Variants in RIMS3 observed in about 807,000 individuals in gnomAD.
The protein encoded by RIMS3 is regulating synaptic membrane exocytosis 3, also known as regulating synaptic membrane exocytosis protein 3.
RIMS3 carries 15 observed loss-of-function variants against 29.2 expected under a neutral mutation model. That is an observed-to-expected ratio of 0.51 (90% CI 0.34 to 0.79). The LOEUF (loss-of-function observed/expected upper bound fraction) is 0.79. Ranked by LOEUF, RIMS3 falls within the 30% of genes least tolerant of loss-of-function variation. RIMS3 has a pLI of 0.01. For synonymous variants in RIMS3, 161 were observed against 170.1 expected (o/e 0.95, Z 0.41); for missense variants, 342 against 421.4 (o/e 0.81, Z 1.65).
chr1:40,673,303 C>G, the RIMS3 span: 2 of 152,164 alleles, frequency 1.3e-5, no homozygotes. Context: ...GAATTTTTCA[C>G]TTTAGACTTT....
chr1:40,674,516 C>T, the RIMS3 span, among the ~76,000 whole-genome samples: 1 of 152,134 alleles, frequency 6.6e-6, no homozygotes, highest in Non-Finnish European at 1.5e-5. Context: ...TGAATGTGTT[C>T]CCCAAGGTTC....
At position 40,620,903 on chromosome 1, in the gene RIMS3, A is replaced by C. The variant is rs1646416953; in HGVS notation, c.*5614T>G. On this transcript the variant is annotated 3_prime_UTR_variant, in exon 8 of 8. Transcript: ENST00000372684. ...AGATATAAAAGGCTAATTGCTTCTTATCTAAACAGTGTGCTTGTCAGTCCC... is the reference window on the plus strand; with the variant it reads ...AGATATAAAAGGCTAATTGCTTCTTCTCTAAACAGTGTGCTTGTCAGTCCC... 6.5e-6 allele frequency: 1 copy of C among 152,678 alleles called. No homozygotes were observed. The allele number at this position is 152,678 out of a possible 1,614,324, so 9.5% of individuals were successfully genotyped here. A position where few individuals can be genotyped will look rare whatever the true frequency, so the allele number is the denominator to read the frequency against.
In RIMS3 at chr1:40,636,427, C is replaced by A. The variant is rs1251541148; in HGVS notation, c.218-370G>T. On this transcript the variant is annotated intron_variant, in intron 3 of 7. Transcript: ENST00000372684. This position sits in a 1 kb window ranked among gnomAD's most constrained non-coding sequence, Gnocchi z 4.2. Reference sequence around the variant, plus strand: ...CCCTTGCCCCAAAGGTTAAGTGTGCCTCTTCCCACTCTCTTCTGGAAAGTT... The same window carrying A: ...CCCTTGCCCCAAAGGTTAAGTGTGCATCTTCCCACTCTCTTCTGGAAAGTT... Among the ~76,000 whole-genome samples the A allele has an allele frequency of 1.3e-5, 2 of 152,008 alleles. No homozygotes were observed. Among genetic ancestry groups the A allele is most frequent in the Non-Finnish European group, 2.9e-5 (2 of 68,046 alleles).
the RIMS3 span, among the ~76,000 whole-genome samples, chr1:40,672,222 G>A: frequency 5.4e-5 from 7 of 129,112 alleles, no homozygotes; most frequent in Non-Finnish European, 7.9e-5. Flanking sequence ...TTTTTGAGAC[G>A]GAGTCTCGCT....
the RIMS3 span, among the ~76,000 whole-genome samples, chr1:40,686,761 C>A: frequency 6.6e-6 from 1 of 152,220 alleles, no homozygotes; most frequent in African/African-American, 2.4e-5. Flanking sequence ...ATCACCTCAG[C>A]ATTTGTATCC....
chr1:40,640,958 T>C (rs762560481), intron 3 of RIMS3, among the ~76,000 whole-genome samples: 3 of 152,236 alleles, frequency 2.0e-5, no homozygotes, highest in Non-Finnish European at 2.9e-5. Flanking sequence ...TACTCTATTA[T>C]GCTTCCCTGG....
Position 40,658,821 on chromosome 1 carries a change from C to T in RIMS3, c.-207+6573G>A, listed in dbSNP as rs570047184. On this transcript the variant is annotated intron_variant, in intron 1 of 7. Coordinates refer to ENST00000372684, the MANE Select transcript of RIMS3 (RefSeq NM_014747.3). ...CCTGAAGCTAATGGTTTTCCTTCCC[C>T]TTAGTTCCAGGGAATCCCTTCTGTC... is the stretch of plus-strand genomic sequence containing the variant. Among the ~76,000 whole-genome samples the T allele has an allele frequency of 1.6e-4, 24 of 152,340 alleles. No homozygotes were observed. In the South Asian group the frequency reaches 4.3e-3, roughly 28 times the overall value.
At chr1:40,681,990 C>T in the RIMS3 span, among the ~76,000 whole-genome samples, 20 of 152,302 alleles carry the variant, frequency 1.3e-4, no homozygotes, top group South Asian at 4.1e-3. Context: ...CCCACCACCC[C>T]ACCCAGCTAA....
chr1:40,670,569 T>C (rs1428894706), upstream of RIMS3, among the ~76,000 whole-genome samples: 2 of 109,734 alleles, frequency 1.8e-5, no homozygotes, highest in Non-Finnish European at 3.5e-5. Flanking sequence ...GTGTTAGTTA[T>C]AATTTTATAT....
chr1:40,671,259 T>C, the RIMS3 span, among the ~76,000 whole-genome samples: 2 of 152,174 alleles, frequency 1.3e-5, no homozygotes, highest in Middle Eastern at 3.2e-3. Flanking sequence ...GGGATGCTGA[T>C]TCTGGATGTG....
chr1:40,671,887 C>T, the RIMS3 span, among the ~76,000 whole-genome samples: 24 of 151,990 alleles, frequency 1.6e-4, no homozygotes, highest in South Asian at 5.0e-3. Context: ...CTCAGTCTCC[C>T]AAGTAGCTGT....
At chr1:40,689,000 C>T in the RIMS3 span, among the ~76,000 whole-genome samples, 3 of 152,320 alleles carry the variant, frequency 2.0e-5, no homozygotes, top group East Asian at 3.9e-4. Context: ...GGCTTACCCC[C>T]ATGGATAGCT....
chr1:40,658,404 G>C (rs1009598245), intron 1 of RIMS3, among the ~76,000 whole-genome samples: 12 of 152,150 alleles, frequency 7.9e-5, no homozygotes, highest in African/African-American at 2.9e-4. Flanking sequence ...TGGAAGTTTG[G>C]GGCTCAGGCC....
rs1042347340 is a variant in RIMS3 at position 40,654,287 on chromosome 1, G to A, written c.-206-6445C>T. Among the ~76,000 whole-genome samples, 2 of 152,138 alleles carry A rather than the reference G, an allele frequency of 1.3e-5. No homozygotes were observed. The highest frequency in any genetic ancestry group is 4.8e-5 in the African/African-American group (2 of 41,414). ...CGCCCGCGCCTGCTGCCCACCCTGG[G>A]GACCCTCCTCAGAAACCCAGCACAG... On this transcript the variant is annotated intron_variant, in intron 1 of 7. Transcript: ENST00000372684. This position sits in a 1 kb window ranked among gnomAD's most constrained non-coding sequence, Gnocchi z 5.3.
At chr1:40,673,826 CTGTT>C in the RIMS3 span, among the ~76,000 whole-genome samples, 119,074 of 151,812 alleles carry the variant, frequency 0.78, 47,316 homozygotes, top group African/African-American at 0.9. Flanking sequence ...CCCTGCTGTG[CTGTT>C]TATTATCTGT....
rs957050886 is a variant in RIMS3, at chr1:40,622,511, C to T, written c.*4006G>A. 6.6e-6 allele frequency: 1 copy of T among 152,236 alleles called. No homozygotes were observed. Among genetic ancestry groups the T allele is most frequent in the African/African-American group, 2.4e-5 (1 of 41,428 alleles). The allele number at this position is 152,236 out of a possible 1,614,324, so 9.4% of individuals were successfully genotyped here. On this transcript the variant is annotated 3_prime_UTR_variant, in exon 8 of 8. Coordinates refer to ENST00000372684, the MANE Select transcript of RIMS3 (RefSeq NM_014747.3). ...AAGAATCTCTTTACATGTCAGGATACTGGAGAAGAAAACTCTGAGGAGTGG... is the reference window on the plus strand; with the variant it reads ...AAGAATCTCTTTACATGTCAGGATATTGGAGAAGAAAACTCTGAGGAGTGG...
At position 40,630,283 on chromosome 1, in the gene RIMS3, G is replaced by A. The variant is rs147435165; in HGVS notation, c.473-911C>T. ...CTCCCACAGAATGGATTATCCAGCC[G>A]GGGCAAGGTCTGTGTGTGGAGTTAT... On this transcript the variant is annotated intron_variant, in intron 5 of 7. Coordinates refer to ENST00000372684, the MANE Select transcript of RIMS3 (RefSeq NM_014747.3). 4.1e-4 allele frequency among the ~76,000 whole-genome samples: 62 copies of A among 152,210 alleles called. 2 individuals are homozygous for A. In the East Asian group the frequency reaches 0.011, roughly 27 times the overall value.
At chr1:40,691,546 A>G in the RIMS3 span, 5 of 299,048 alleles carry the variant, frequency 1.7e-5, no homozygotes, top group African/African-American at 9.6e-5. Flanking sequence ...CGAGCTCCCG[A>G]AAGGGGGCGG....
Position 40,623,649 on chromosome 1 carries a change from G to T in RIMS3, c.*2868C>A. On this transcript the variant is annotated 3_prime_UTR_variant, in exon 8 of 8. Coordinates refer to ENST00000372684, the MANE Select transcript of RIMS3 (RefSeq NM_014747.3). ...GGTGGGAGACTTCTGGAGGGATCAT[G>T]TTCCTTCCTTCCCCACCCCCCGTCC... is the stretch of plus-strand genomic sequence containing the variant. The T allele has an allele frequency of 2.5e-6, 1 of 397,598 alleles. No individual in the cohort carries two copies. Among genetic ancestry groups the T allele is most frequent in the East Asian group, 3.6e-5 (1 of 28,046 alleles). 24.6% of individuals were successfully genotyped at this position (397,598 alleles called of 1,614,324 possible).
Sources: allele counts gnomAD v4.1 joint callset (sites outside exome capture counted in the v4.1 genomes callset), GRCh38; gene constraint gnomAD v4.1.1; non-coding constraint Gnocchi (gnomAD v3.1); transcripts MANE v1.5; gene names NCBI Gene and HGNC (gene_info 2026-07-23, HGNC 2026-07-21).